RORA: variants seen among roughly 807,000 people sequenced by gnomAD.
RORA encodes nuclear receptor ROR-alpha.
A neutral mutation model predicts 69.5 loss-of-function variants in RORA; 7 were observed. The ratio of observed to expected loss-of-function variants is 0.10; its 90% CI spans 0.06 to 0.19. The LOEUF (loss-of-function observed/expected upper bound fraction) is 0.19. Ranked by LOEUF, RORA falls within the 10% of genes least tolerant of loss-of-function variation. RORA has a pLI of 1.00. For synonymous variants in RORA, 261 were observed against 240.8 expected (o/e 1.08, Z -0.78); for missense variants, 457 against 663.0 (o/e 0.69, Z 3.41).
intron 2 of RORA, among the ~76,000 whole-genome samples, chr15:60,619,588 T>G (rs546453705): frequency 6.6e-6 from 1 of 152,312 alleles, no homozygotes; most frequent in South Asian, 2.1e-4. Context: ...CTAAACACAT[T>G]AGCTGCTTCC....
chr15:60,698,083 G>C (rs1167459436), intron 1 of RORA, among the ~76,000 whole-genome samples: 2 of 152,160 alleles, frequency 1.3e-5, no homozygotes, highest in African/African-American at 2.4e-5. Context: ...AAGTGATTCT[G>C]TATTTTATTG....
chr15:60,575,940 AC>A (rs1434023474), intron 2 of RORA, among the ~76,000 whole-genome samples: 2 of 152,176 alleles, frequency 1.3e-5, no homozygotes, highest in Non-Finnish European at 2.9e-5. Flanking sequence ...TATTTCTCTC[AC>A]CCTTTAAACG....
In RORA at chr15:61,085,840, A is replaced by G. The variant is rs575421835; in HGVS notation, c.166+143213T>C. 3.3e-3 allele frequency among the ~76,000 whole-genome samples: 506 copies of G among 152,364 alleles called. 2 individuals are homozygous for G. The highest frequency in any genetic ancestry group is 5.5e-3 in the Non-Finnish European group (374 of 68,038). On this transcript the variant is annotated intron_variant, in intron 1 of 10. Transcript: ENST00000335670. ...GCATAGATATGGAGTGAGGAGAACT[A>G]CTGGCTTAACTTTAAGTTGCCAACA...
At chr15:60,803,470 A>G (rs1306500338) in intron 1 of RORA, among the ~76,000 whole-genome samples, 2 of 152,230 alleles carry the variant, frequency 1.3e-5, no homozygotes, top group East Asian at 3.8e-4. Flanking sequence ...ACTAAAGAGG[A>G]GGTCCCTGCA....
chr15:60,950,118 A>G (rs1893038904), intron 1 of RORA, among the ~76,000 whole-genome samples: 2 of 151,496 alleles, frequency 1.3e-5, no homozygotes, highest in Non-Finnish European at 1.5e-5. Context: ...GCCAGAAGAG[A>G]GTAGGGGCCA....
intron 2 of RORA, among the ~76,000 whole-genome samples, chr15:60,645,413 C>A (rs2070021962): frequency 1.4e-5 from 2 of 147,778 alleles, no homozygotes; most frequent in Non-Finnish European, 3.0e-5. Context: ...AAGGTCTTGA[C>A]AGATAAATTT....
chr15:60,588,381 TG>T (rs2068396814), intron 2 of RORA, among the ~76,000 whole-genome samples: 1 of 152,188 alleles, frequency 6.6e-6, no homozygotes, highest in Non-Finnish European at 1.5e-5. Flanking sequence ...GGGGTTTTGT[TG>T]ATCCCTATAA....
intron 1 of RORA, among the ~76,000 whole-genome samples, chr15:61,145,603 C>T (rs1447964970): frequency 1.3e-5 from 2 of 152,210 alleles, no homozygotes; most frequent in Non-Finnish European, 2.9e-5. Flanking sequence ...CTTTCTCTAG[C>T]TCAGAAAGCT....
At chr15:60,971,929 T>C (rs1185350725) in intron 1 of RORA, among the ~76,000 whole-genome samples, 7 of 152,186 alleles carry the variant, frequency 4.6e-5, no homozygotes, top group Non-Finnish European at 7.3e-5. Flanking sequence ...CCAAGCTGCA[T>C]TCCCTGAAAC....
At chr15:61,191,191 T>C (rs977424985) in intron 1 of RORA, among the ~76,000 whole-genome samples, 1 of 152,168 alleles carries the variant, frequency 6.6e-6, no homozygotes, top group Non-Finnish European at 1.5e-5. Flanking sequence ...CATCTAAAGA[T>C]AGGAATAGCT....
chr15:60,884,540 G>T (rs2073730051), intron 1 of RORA, among the ~76,000 whole-genome samples: 1 of 152,150 alleles, frequency 6.6e-6, no homozygotes, highest in Non-Finnish European at 1.5e-5. Context: ...TTTGTGTATG[G>T]AGAGAGAGCA....
chr15:60,790,836 A>G (rs1239555638), intron 1 of RORA, among the ~76,000 whole-genome samples: 4 of 152,218 alleles, frequency 2.6e-5, no homozygotes, highest in Non-Finnish European at 5.9e-5. Context: ...CAATTTCACA[A>G]TTATGCATGC....
At chr15:60,627,813 G>A (rs2069632567) in intron 2 of RORA, among the ~76,000 whole-genome samples, 1 of 152,096 alleles carries the variant, frequency 6.6e-6, no homozygotes, top group African/African-American at 2.4e-5. Context: ...CTAAATTTGA[G>A]ATAATCATGC....
intron 6 of RORA, among the ~76,000 whole-genome samples, chr15:60,504,095 C>T (rs1229301365): frequency 6.6e-6 from 1 of 152,070 alleles, no homozygotes; most frequent in Non-Finnish European, 1.5e-5. Context: ...GCCACCGTGC[C>T]CGGTCTGGAT....
chr15:60,567,123 T>A (rs964893163), intron 2 of RORA, among the ~76,000 whole-genome samples: 2 of 152,064 alleles, frequency 1.3e-5, no homozygotes, highest in African/African-American at 4.8e-5. Flanking sequence ...TATGAGTTTT[T>A]AAAATATGTT....
intron 1 of RORA, among the ~76,000 whole-genome samples, chr15:61,030,657 G>A (rs1896115600): frequency 6.6e-6 from 1 of 151,980 alleles, no homozygotes; most frequent in Admixed American, 6.6e-5. Flanking sequence ...GCATATTTGG[G>A]GCCCATAACA....
intron 1 of RORA, among the ~76,000 whole-genome samples, chr15:60,753,929 T>G (rs1271597035): frequency 6.6e-6 from 1 of 152,210 alleles, no homozygotes; most frequent in Non-Finnish European, 1.5e-5. Flanking sequence ...CAAGTATTAT[T>G]ACTCCCACTG....
intron 1 of RORA, among the ~76,000 whole-genome samples, chr15:60,730,668 A>C (rs112023410): frequency 7.9e-4 from 120 of 152,296 alleles, no homozygotes; most frequent in African/African-American, 2.7e-3. Flanking sequence ...TTCTCTTTGC[A>C]TGTTTTCCTG....
chr15:61,032,575 G>C (rs1450853086), intron 1 of RORA, among the ~76,000 whole-genome samples: 3 of 152,188 alleles, frequency 2.0e-5, no homozygotes, highest in Non-Finnish European at 2.9e-5. Flanking sequence ...CACACACCCA[G>C]GTTGGACCAA....
Sources: allele counts gnomAD v4.1 joint callset (sites outside exome capture counted in the v4.1 genomes callset), GRCh38; gene constraint gnomAD v4.1.1; transcripts MANE v1.5; gene names NCBI Gene and HGNC (gene_info 2026-07-23, HGNC 2026-07-21).